OSBPL8: variants seen among roughly 807,000 people sequenced by gnomAD.
OSBPL8 encodes oxysterol-binding protein-related protein 8.
OSBPL8 carries 59 observed loss-of-function variants against 125.5 expected under a neutral mutation model. The ratio of observed to expected loss-of-function variants is 0.47; its 90% CI spans 0.38 to 0.58. OSBPL8 has a LOEUF of 0.58. Ranked by LOEUF, OSBPL8 falls within the 20% of genes least tolerant of loss-of-function variation. The pLI, the probability that OSBPL8 is intolerant of heterozygous loss-of-function variation, is 0.00. For missense variants in OSBPL8, 758 were observed against 1,047.8 expected (o/e 0.72, Z 3.82); for synonymous variants, 330 against 338.9 (o/e 0.97, Z 0.29).
At chr12:76,380,686 T>A (rs935279926) in intron 15 of OSBPL8, among the ~76,000 whole-genome samples, 2 of 152,182 alleles carry the variant, frequency 1.3e-5, no homozygotes, top group African/African-American at 4.8e-5. Context: ...TTCTATGTAA[T>A]CTGGTATATA....
intron 1 of OSBPL8, among the ~76,000 whole-genome samples, chr12:76,501,094 T>TACACAC (rs113039903): frequency 2.2e-4 from 33 of 151,076 alleles, no homozygotes; most frequent in Admixed American, 4.6e-4. Flanking sequence ...TGTGTATCTT[T>TACACAC]ACACACACAC....
intron 2 of OSBPL8, among the ~76,000 whole-genome samples, chr12:76,471,261 C>T (rs1434071041): frequency 6.6e-6 from 1 of 152,200 alleles, no homozygotes; most frequent in African/African-American, 2.4e-5. Context: ...TACACCTCCA[C>T]TTGGATACAC....
intron 4 of OSBPL8, among the ~76,000 whole-genome samples, chr12:76,413,127 A>G (rs779679317): frequency 2.0e-5 from 3 of 152,192 alleles, no homozygotes; most frequent in South Asian, 2.1e-4. Flanking sequence ...GTTTTAGAAA[A>G]TGTGAAATAC....
At position 76,399,989 on chromosome 12, in the gene OSBPL8, T is replaced by G; in HGVS notation, c.367-15A>C. 1 of 1,558,434 alleles carries G rather than the reference T, an allele frequency of 6.4e-7. No individual in the cohort carries two copies. The highest frequency in any genetic ancestry group is 8.7e-7 in the Non-Finnish European group (1 of 1,153,954). On this transcript the variant is annotated splice_polypyrimidine_tract_variant and intron_variant, in intron 6 of 23. Coordinates refer to ENST00000261183, the MANE Select transcript of OSBPL8 (RefSeq NM_020841.5). ...TTCTTTTGTACCTATTTTATAGAAA[T>G]AATAGAAAAGATAAAAACTCAACAG... is the stretch of plus-strand genomic sequence containing the variant.
intron 1 of OSBPL8, among the ~76,000 whole-genome samples, chr12:76,535,610 A>T (rs1444543441): frequency 1.3e-5 from 2 of 152,214 alleles, no homozygotes; most frequent in Non-Finnish European, 2.9e-5. Flanking sequence ...CTTCATTTAC[A>T]ATAACCGAAA....
chr12:76,493,711 GGAGACCTTTGA>G (rs1279972819), intron 1 of OSBPL8, among the ~76,000 whole-genome samples: 1 of 152,020 alleles, frequency 6.6e-6, no homozygotes, highest in African/African-American at 2.4e-5. Flanking sequence ...GAATCTAGTT[GGAGACCTTTGA>G]GATTCCCATG....
intron 4 of OSBPL8, among the ~76,000 whole-genome samples, chr12:76,420,347 A>C (rs1384255195): frequency 2.6e-5 from 4 of 152,074 alleles, no homozygotes; most frequent in African/African-American, 9.7e-5. Flanking sequence ...ATTTACTCCA[A>C]TTTGTACGTA....
intron 1 of OSBPL8, among the ~76,000 whole-genome samples, chr12:76,557,440 C>A (rs547860527): frequency 6.6e-6 from 1 of 151,862 alleles, no homozygotes; most frequent in African/African-American, 2.4e-5. Flanking sequence ...CATGGTGAAA[C>A]CCCATCTCTA....
chr12:76,527,757 T>C (rs1950219075), intron 1 of OSBPL8, among the ~76,000 whole-genome samples: 1 of 152,166 alleles, frequency 6.6e-6, no homozygotes, highest in Non-Finnish European at 1.5e-5. Context: ...GTCCTGAGCT[T>C]AGGGAACCCA....
intron 23 of OSBPL8, among the ~76,000 whole-genome samples, chr12:76,356,352 C>T (rs1244112920): frequency 2.6e-5 from 4 of 152,148 alleles, no homozygotes. Context: ...CCTCCACATG[C>T]AACCCAGCTA....
chr12:76,513,658 C>G (rs2137205314), intron 1 of OSBPL8, among the ~76,000 whole-genome samples: 1 of 151,250 alleles, frequency 6.6e-6, no homozygotes, highest in Admixed American at 6.6e-5. Context: ...TCGATTGAAC[C>G]CTTTACTAGT....
chr12:76,397,446 C>A (rs982089971), intron 8 of OSBPL8, among the ~76,000 whole-genome samples: 13 of 148,732 alleles, frequency 8.7e-5, no homozygotes, highest in African/African-American at 3.2e-4. Flanking sequence ...CTGAAAAAAA[C>A]AGTACAAATT....
intron 1 of OSBPL8, among the ~76,000 whole-genome samples, chr12:76,525,729 G>A (rs1039284855): frequency 2.6e-5 from 4 of 151,908 alleles, no homozygotes; most frequent in South Asian, 2.1e-4. Context: ...CTTTGAGGGA[G>A]TATAAAAAAT....
chr12:76,514,109 T>TG (rs1360115078), intron 1 of OSBPL8, among the ~76,000 whole-genome samples: 1 of 152,086 alleles, frequency 6.6e-6, no homozygotes, highest in Non-Finnish European at 1.5e-5. Flanking sequence ...AAGGCAGGCC[T>TG]GGTGGTTAAC....
At chr12:76,425,599 G>A (rs1271642701) in intron 4 of OSBPL8, among the ~76,000 whole-genome samples, 4 of 152,114 alleles carry the variant, frequency 2.6e-5, no homozygotes, top group African/African-American at 9.7e-5. Flanking sequence ...TTTGACACAT[G>A]GGCAAACTGC....
At chr12:76,500,565 A>G (rs1879798114) in intron 1 of OSBPL8, among the ~76,000 whole-genome samples, 2 of 152,220 alleles carry the variant, frequency 1.3e-5, no homozygotes, top group South Asian at 2.1e-4. Context: ...CTATAAGATT[A>G]TATTTTTAAC....
At chr12:76,553,432 G>C (rs1033432705) in intron 1 of OSBPL8, among the ~76,000 whole-genome samples, 11 of 151,706 alleles carry the variant, frequency 7.3e-5, no homozygotes, top group African/African-American at 2.4e-4. Context: ...GGGAGACCAA[G>C]GTGGGAGAAT....
At chr12:76,529,572 G>T (rs972446559) in intron 1 of OSBPL8, among the ~76,000 whole-genome samples, 1 of 151,862 alleles carries the variant, frequency 6.6e-6, no homozygotes, top group African/African-American at 2.4e-5. Context: ...TGTTCATTTG[G>T]CTTTCTATTA....
At chr12:76,543,389 T>C (rs1950697145) in intron 1 of OSBPL8, among the ~76,000 whole-genome samples, 1 of 152,014 alleles carries the variant, frequency 6.6e-6, no homozygotes, top group Admixed American at 6.6e-5. Flanking sequence ...ACCTTCAAAA[T>C]AGAAAATGAA....
Sources: gnomAD v4.1 joint callset for allele counts (sites outside exome capture counted in the v4.1 genomes callset) on GRCh38, gnomAD v4.1.1 for gene constraint, MANE v1.5 for transcripts, NCBI Gene and HGNC (gene_info 2026-07-23, HGNC 2026-07-21) for gene names.